The following XPR1 variants were observed in gnomAD, a reference collection of about 807,000 sequenced individuals.
XPR1 encodes the protein xenotropic and polytropic retrovirus receptor 1.
XPR1 carries 28 observed loss-of-function variants against 87.5 expected under a neutral mutation model. The ratio of observed to expected loss-of-function variants is 0.32; its 90% CI spans 0.24 to 0.44. XPR1 has a LOEUF of 0.44. XPR1 is among the 20% of genes least tolerant of loss of function. The pLI, the probability that XPR1 is intolerant of heterozygous loss-of-function variation, is 1.00. For synonymous variants in XPR1, 300 were observed against 306.1 expected, an observed-to-expected ratio of 0.98 and a Z score of 0.21; for missense variants, 559 against 862.3, an observed-to-expected ratio of 0.65 and a Z score of 4.41.
chr1:180,660,738 T>C (rs897638072), intron 1 of XPR1, among the ~76,000 whole-genome samples: 1 of 145,838 alleles, frequency 6.9e-6, no homozygotes, highest in Admixed American at 6.9e-5. Context: ...TTTTTTTGAA[T>C]GTTTGAAGAC....
Position 180,803,384 on chromosome 1 carries a change from A to G in XPR1, c.224-4A>G, listed in dbSNP as rs372891378. ...ATTTGACAGTTCCGTTCTATTTCTT[A>G]TAGAGAAGCTCGCAGAGGCTCAGCG... On this transcript the variant is annotated splice_region_variant and splice_polypyrimidine_tract_variant and intron_variant, in intron 3 of 14. Transcript: ENST00000367590. 4.3e-6 allele frequency: 7 copies of G among 1,613,152 alleles called. No individual in the cohort carries two copies. The African/African-American group carries it at 5.3e-5, about 12-fold the overall frequency.
intron 2 of XPR1, among the ~76,000 whole-genome samples, chr1:180,707,161 G>A (rs2101978345): frequency 6.6e-6 from 1 of 152,270 alleles, no homozygotes; most frequent in Middle Eastern, 3.4e-3. Context: ...GTTACATGGT[G>A]AGAAAACCAG....
intron 1 of XPR1, among the ~76,000 whole-genome samples, chr1:180,645,837 A>T (rs1489612596): frequency 6.6e-6 from 1 of 152,146 alleles, no homozygotes; most frequent in Non-Finnish European, 1.5e-5. Flanking sequence ...TTTGGAAGTG[A>T]CCTCTTTGAC....
chr1:180,813,034 CT>C (rs145312773), intron 7 of XPR1, among the ~76,000 whole-genome samples: 7,921 of 131,740 alleles, frequency 0.06, 289 homozygotes, highest in Non-Finnish European at 0.086. Context: ...CTACTAGTGT[CT>C]TTTTTCCCCC....
Position 180,884,505 on chromosome 1 carries a change from G to C in XPR1, c.*439G>C, listed in dbSNP as rs970443391. The C allele has an allele frequency of 6.5e-6, 1 of 153,264 alleles. No individual in the cohort carries two copies. The highest frequency in any genetic ancestry group is 2.4e-5 in the African/African-American group (1 of 41,458). The allele number at this position is 153,264 out of a possible 1,614,324, so 9.5% of individuals were successfully genotyped here. On this transcript the variant is annotated 3_prime_UTR_variant, in exon 15 of 15. Coordinates refer to ENST00000367590, the MANE Select transcript of XPR1 (RefSeq NM_004736.4). ...TTTAAATTTTTTGTCAGTTTATGTG[G>C]AGAATTTTTTTCTTTCCTTCATACC... is the stretch of plus-strand genomic sequence containing the variant.
chr1:180,822,091 G>A (rs747872127), intron 7 of XPR1, among the ~76,000 whole-genome samples: 2 of 152,188 alleles, frequency 1.3e-5, no homozygotes, highest in East Asian at 1.9e-4. Context: ...TCACTTAACA[G>A]CTAGAGTAGC....
At chr1:180,844,433 G>A (rs143443917) in intron 11 of XPR1, among the ~76,000 whole-genome samples, 1 of 152,250 alleles carries the variant, frequency 6.6e-6, no homozygotes, top group African/African-American at 2.4e-5. Context: ...AGAAAAAAAT[G>A]AGCAGGCAAA....
At chr1:180,803,679 C>A in intron 4 of XPR1, 68 bp downstream of exon 4, 1 of 1,365,972 alleles carries the variant, frequency 7.3e-7, no homozygotes, top group Non-Finnish European at 1.0e-6. Context: ...AATGGAAGTA[C>A]CCTAAAGTAT....
chr1:180,854,428 A>G (rs1371938916), intron 11 of XPR1, among the ~76,000 whole-genome samples: 1 of 152,240 alleles, frequency 6.6e-6, no homozygotes, highest in African/African-American at 2.4e-5. Context: ...CATATGTCCC[A>G]TGTTCACTTC....
intron 1 of XPR1, among the ~76,000 whole-genome samples, chr1:180,649,389 C>T (rs1571677538): frequency 6.6e-6 from 1 of 152,224 alleles, no homozygotes; most frequent in East Asian, 1.9e-4. Context: ...CAAGATCGCG[C>T]CACTGCACTC....
chr1:180,806,621 C>A, intron 6 of XPR1, 64 bp downstream of exon 6: 1 of 1,437,986 alleles, frequency 7.0e-7, no homozygotes. Flanking sequence ...CAGTATTTAG[C>A]TGGCCCCATT....
chr1:180,638,113 T>A (rs1654847239), intron 1 of XPR1, among the ~76,000 whole-genome samples: 1 of 152,190 alleles, frequency 6.6e-6, no homozygotes, highest in Non-Finnish European at 1.5e-5. Context: ...AATGAAACTT[T>A]TCAGTTATGT....
chr1:180,880,416 T>A, intron 14 of XPR1, 119 bp downstream of exon 14: 1 of 1,094,492 alleles, frequency 9.1e-7, no homozygotes, highest in South Asian at 1.5e-5. Context: ...CAGCCATTTT[T>A]CACCTACAAA....
chr1:180,678,623 G>A (rs1656446249), intron 1 of XPR1, among the ~76,000 whole-genome samples: 1 of 151,862 alleles, frequency 6.6e-6, no homozygotes, highest in Admixed American at 6.5e-5. Flanking sequence ...TTCCATTTTT[G>A]TACATCCAAC....
intron 2 of XPR1, among the ~76,000 whole-genome samples, chr1:180,777,206 C>T (rs1191676032): frequency 1.3e-5 from 2 of 152,134 alleles, no homozygotes; most frequent in South Asian, 2.1e-4. Flanking sequence ...TTTTTCACTT[C>T]TCTGTCTCCA....
At chr1:180,752,789 AAC>A (rs1194057138) in intron 2 of XPR1, among the ~76,000 whole-genome samples, 1 of 152,196 alleles carries the variant, frequency 6.6e-6, no homozygotes, top group East Asian at 1.9e-4. Flanking sequence ...GAATTTCCAA[AAC>A]ACAGATCTTC....
At chr1:180,696,657 GCTCTTT>G (rs1305840094) in intron 2 of XPR1, among the ~76,000 whole-genome samples, 5 of 152,210 alleles carry the variant, frequency 3.3e-5, no homozygotes, top group African/African-American at 1.2e-4. Flanking sequence ...GTTGAGATAT[GCTCTTT>G]CTATGCCTAG....
At chr1:180,686,662 A>AT (rs1242810823) in intron 2 of XPR1, among the ~76,000 whole-genome samples, 1 of 152,154 alleles carries the variant, frequency 6.6e-6, no homozygotes, top group Non-Finnish European at 1.5e-5. Flanking sequence ...AGTGCAAAAA[A>AT]ATATATATCG....
At chr1:180,778,708 T>G (rs1648819623) in intron 2 of XPR1, among the ~76,000 whole-genome samples, 1 of 152,186 alleles carries the variant, frequency 6.6e-6, no homozygotes, top group Non-Finnish European at 1.5e-5. Context: ...GAGTGAGAAC[T>G]ACTACCTTAA....
Sources: allele counts gnomAD v4.1 joint callset (sites outside exome capture counted in the v4.1 genomes callset), GRCh38; gene constraint gnomAD v4.1.1; transcripts MANE v1.5; gene names NCBI Gene and HGNC (gene_info 2026-07-23, HGNC 2026-07-21).